The following CDH18 variants were observed in gnomAD, a reference collection of about 807,000 sequenced individuals.
The protein encoded by CDH18 is cadherin-18.
CDH18 carries 31 observed loss-of-function variants against 67.9 expected under a neutral mutation model. The observed-to-expected ratio is 0.46, with a 90% CI of 0.34 to 0.62. The LOEUF (loss-of-function observed/expected upper bound fraction) is 0.62. CDH18 is among the 20% of genes least tolerant of loss of function. CDH18 has a pLI of 0.01. For missense variants in CDH18, 890 were observed against 975.5 expected (o/e 0.91, Z 1.17); for synonymous variants, 362 against 347.2 (o/e 1.04, Z -0.48).
chr5:20,147,771 T>C (rs1173364304), intron 2 of CDH18, among the ~76,000 whole-genome samples: 6 of 152,268 alleles, frequency 3.9e-5, no homozygotes, highest in South Asian at 4.1e-4. Flanking sequence ...CCAAAAAATA[T>C]AAATAATAAG....
intron 1 of CDH18, among the ~76,000 whole-genome samples, chr5:20,501,943 A>G (rs1754361478): frequency 6.6e-6 from 1 of 151,942 alleles, no homozygotes; most frequent in South Asian, 2.1e-4. Flanking sequence ...GAAAACAGCA[A>G]AAGAAATTGA....
rs1457656807 is a variant in CDH18 at position 19,960,583 on chromosome 5, GTGTGTGTA to G, written c.-257+20469_-257+20476del. Among the ~76,000 whole-genome samples, 16 of 124,418 alleles carry G rather than the reference GTGTGTGTA, an allele frequency of 1.3e-4. 1 individual carries two copies. The highest frequency in any genetic ancestry group is 9.2e-4 in the East Asian group (4 of 4,328). The allele number at this position is 124,418 out of a possible 152,430, so 81.6% of individuals were successfully genotyped here. ...TGTATGTGTGTGTGTGTGTGTGTGT[GTGTGTGTA>G]TATATATATATACACACACGTGTAT... On this transcript the variant is annotated intron_variant, in intron 2 of 12. Transcript: ENST00000382275.
chr5:20,010,999 C>T lies in CDH18; in HGVS notation c.-517-18985G>A, dbSNP rs79094628. On this transcript the variant is annotated intron_variant, in intron 2 of 14. Coordinates refer to the CDH18 transcript ENST00000507958. ...AATAATGATCTCTTTATCCCCTGCA[C>T]GCACACATCATTACATATTATCATT... Among the ~76,000 whole-genome samples, 358 of 152,234 alleles carry T rather than the reference C, an allele frequency of 2.4e-3. 2 individuals are homozygous for T. Among genetic ancestry groups the T allele is most frequent in the African/African-American group, 7.7e-3 (321 of 41,562 alleles).
At chr5:20,031,627 C>T (rs929936334) in intron 2 of CDH18, among the ~76,000 whole-genome samples, 16 of 151,944 alleles carry the variant, frequency 1.1e-4, no homozygotes, top group Non-Finnish European at 2.1e-4. Flanking sequence ...CATGCATACA[C>T]TATTTTGTAT....
intron 1 of CDH18, among the ~76,000 whole-genome samples, chr5:20,474,131 AT>A (rs1298534234): frequency 6.6e-6 from 1 of 152,096 alleles, no homozygotes; most frequent in Non-Finnish European, 1.5e-5. Context: ...AGAAACTAAC[AT>A]TTTATTTCCA....
chr5:20,124,114 G>A (rs1038412810), intron 2 of CDH18, among the ~76,000 whole-genome samples: 7 of 152,090 alleles, frequency 4.6e-5, no homozygotes, highest in Non-Finnish European at 1.0e-4. Context: ...AACCTCCAGA[G>A]AATACTCAGT....
At chr5:19,971,860 GA>G (rs1798058078) in intron 2 of CDH18, among the ~76,000 whole-genome samples, 1 of 31,796 alleles carries the variant, frequency 3.1e-5, no homozygotes, top group Non-Finnish European at 7.4e-5. Context: ...AAAAAAAAAA[GA>G]GAGAGAGAGA....
At chr5:20,006,021 G>T (rs979074404) in intron 2 of CDH18, among the ~76,000 whole-genome samples, 1 of 151,788 alleles carries the variant, frequency 6.6e-6, no homozygotes, top group Non-Finnish European at 1.5e-5. Context: ...GAAAATAAGA[G>T]AACAACTAGG....
At chr5:19,588,877 G>C (rs1017685295) in intron 7 of CDH18, among the ~76,000 whole-genome samples, 7 of 152,040 alleles carry the variant, frequency 4.6e-5, no homozygotes, top group Non-Finnish European at 7.4e-5. Context: ...ACTCAATACA[G>C]GAGTACCCAG....
chr5:19,831,535 A>T (rs1425866585), intron 3 of CDH18, among the ~76,000 whole-genome samples: 2 of 152,128 alleles, frequency 1.3e-5, no homozygotes, highest in Non-Finnish European at 2.9e-5. Flanking sequence ...AGAAATGCAA[A>T]TCAAAACCAC....
At position 20,320,202 on chromosome 5, in the gene CDH18, T is replaced by G. The variant is rs562458453; in HGVS notation, c.-579-64697A>C. Among the ~76,000 whole-genome samples the G allele has an allele frequency of 8.0e-5, 11 of 137,502 alleles. No homozygotes were observed. The South Asian group carries it at 1.9e-3, about 23-fold the overall frequency. The allele number at this position is 137,502 out of a possible 152,430, so 90.2% of individuals were successfully genotyped here. A position where few individuals can be genotyped will look rare whatever the true frequency, so the allele number is the denominator to read the frequency against. On this transcript the variant is annotated intron_variant, in intron 1 of 14. Coordinates refer to the CDH18 transcript ENST00000507958. ...AAAATAGATTTAAGAATCTTTGAGA[T>G]ATTATATTTATATTTTAATAAAATA...
At chr5:19,675,178 A>G (rs1759302922) in intron 5 of CDH18, among the ~76,000 whole-genome samples, 1 of 152,088 alleles carries the variant, frequency 6.6e-6, no homozygotes, top group Non-Finnish European at 1.5e-5. Flanking sequence ...ATGCTTCACA[A>G]GGTAATAAAA....
intron 2 of CDH18, among the ~76,000 whole-genome samples, chr5:20,074,836 T>C (rs1413074991): frequency 6.6e-6 from 1 of 152,068 alleles, no homozygotes; most frequent in Non-Finnish European, 1.5e-5. Context: ...GGCATTAAAA[T>C]GGCAAAGCCA....
chr5:20,367,524 C>T (rs1324952546), intron 1 of CDH18, among the ~76,000 whole-genome samples: 5 of 152,084 alleles, frequency 3.3e-5, no homozygotes, highest in East Asian at 1.9e-4. Context: ...TTAATATTTG[C>T]GTTGTAGTTT....
chr5:20,072,606 T>G (rs1439501720), intron 2 of CDH18, among the ~76,000 whole-genome samples: 3 of 151,648 alleles, frequency 2.0e-5, no homozygotes, highest in Non-Finnish European at 4.4e-5. Context: ...AAAAGAAATA[T>G]CCCCTGCAAG....
intron 3 of CDH18, among the ~76,000 whole-genome samples, chr5:19,813,940 A>G (rs1279073004): frequency 6.6e-6 from 1 of 152,026 alleles, no homozygotes; most frequent in African/African-American, 2.4e-5. Context: ...GAGAACAAAT[A>G]AAATAAGCCA....
At chr5:20,433,339 T>C (rs1226147499) in intron 1 of CDH18, among the ~76,000 whole-genome samples, 1 of 152,038 alleles carries the variant, frequency 6.6e-6, no homozygotes, top group Non-Finnish European at 1.5e-5. Context: ...TATATCCAAC[T>C]ACTGAATTTT....
intron 2 of CDH18, among the ~76,000 whole-genome samples, chr5:20,199,134 GT>G (rs1168085953): frequency 6.6e-6 from 1 of 152,236 alleles, no homozygotes; most frequent in Non-Finnish European, 1.5e-5. Context: ...GTGGAGCTAT[GT>G]GAAGGGGGCT....
At chr5:20,452,905 G>T (rs1381344863) in intron 1 of CDH18, among the ~76,000 whole-genome samples, 1 of 152,086 alleles carries the variant, frequency 6.6e-6, no homozygotes, top group Admixed American at 6.6e-5. Flanking sequence ...TGTTATATGT[G>T]TATATTAACT....
Sources: allele counts gnomAD v4.1 joint callset (sites outside exome capture counted in the v4.1 genomes callset), GRCh38; gene constraint gnomAD v4.1.1; transcripts MANE v1.5; gene names NCBI Gene and HGNC (gene_info 2026-07-23, HGNC 2026-07-21).